HACE1: variants seen among roughly 807,000 people sequenced by gnomAD.
HACE1 encodes HECT domain and ankyrin repeat containing E3 ubiquitin protein ligase 1, also known as E3 ubiquitin-protein ligase HACE1.
HACE1 carries 73 observed loss-of-function variants against 118.4 expected under a neutral mutation model. The observed-to-expected ratio is 0.62, with a 90% CI of 0.51 to 0.75. The LOEUF (loss-of-function observed/expected upper bound fraction) is 0.75, where lower values mean the gene tolerates loss of function less well. HACE1 is among the 30% of genes least tolerant of loss of function. HACE1 has a pLI of 0.00. For synonymous variants in HACE1, 368 were observed against 374.8 expected (o/e 0.98, Z 0.21); for missense variants, 749 against 1,102.2 (o/e 0.68, Z 4.54).
chr6:104,791,724 A>AT, intron 10 of HACE1, 70 bp from the exon 11 acceptor site: 1 of 1,006,520 alleles, frequency 9.9e-7, no homozygotes, highest in Non-Finnish European at 1.5e-6. Context: ...ATTTTAAAAC[A>AT]TTTTCATCCC....
At chr6:104,790,531 C>T (rs1488862421) in intron 11 of HACE1, among the ~76,000 whole-genome samples, 1 of 152,164 alleles carries the variant, frequency 6.6e-6, no homozygotes, top group East Asian at 1.9e-4. Flanking sequence ...GGCAGACAGA[C>T]TGCTTGAGCC....
At chr6:104,766,210 C>T (rs1780001765) in intron 19 of HACE1, among the ~76,000 whole-genome samples, 1 of 152,150 alleles carries the variant, frequency 6.6e-6, no homozygotes, top group African/African-American at 2.4e-5. Context: ...TCATTTATTA[C>T]CCTTGTGGGC....
chr6:104,755,239 A>AAT (rs1480966765), intron 19 of HACE1, among the ~76,000 whole-genome samples: 2 of 152,198 alleles, frequency 1.3e-5, no homozygotes, highest in African/African-American at 2.4e-5. Flanking sequence ...TGCTATCATA[A>AAT]ATATATATAC....
chr6:104,787,016 G>C (rs957822658), intron 11 of HACE1: 1 of 152,096 alleles, frequency 6.6e-6, no homozygotes, highest in African/African-American at 2.4e-5. Context: ...GCCACTTTCA[G>C]CCTTTCTTCA....
rs956668053 is a variant in HACE1, at chr6:104,728,905, G to C, written c.*757C>G. On this transcript the variant is annotated 3_prime_UTR_variant, in exon 24 of 24. Transcript: ENST00000262903. ...GATGTGTCAGAGCTCACAGATAAAA[G>C]TAATGAAAAGAAACGTGGTAAAATA... The C allele has an allele frequency of 6.6e-6, 1 of 152,438 alleles. No individual in the cohort carries two copies. Among genetic ancestry groups the C allele is most frequent in the African/African-American group, 2.4e-5 (1 of 41,398 alleles). The allele number at this position is 152,438 out of a possible 1,614,324, so 9.4% of individuals were successfully genotyped here.
chr6:104,828,717 T>A (rs1773569314), intron 6 of HACE1, among the ~76,000 whole-genome samples: 1 of 152,044 alleles, frequency 6.6e-6, no homozygotes, highest in South Asian at 2.1e-4. Flanking sequence ...TTATCATGTT[T>A]ACCTCTAATG....
chr6:104,739,465 G>C (rs1036020659), intron 22 of HACE1, among the ~76,000 whole-genome samples: 1 of 152,050 alleles, frequency 6.6e-6, no homozygotes, highest in African/African-American at 2.4e-5. Context: ...TAAAAGGATG[G>C]AGGATGATCT....
chr6:104,781,653 A>C (rs1781757381), intron 14 of HACE1, among the ~76,000 whole-genome samples: 1 of 152,102 alleles, frequency 6.6e-6, no homozygotes, highest in South Asian at 2.1e-4. Flanking sequence ...GTATGTAACC[A>C]ATCTCCAATC....
chr6:104,800,850 T>G (rs972312554), intron 7 of HACE1, among the ~76,000 whole-genome samples: 1 of 152,036 alleles, frequency 6.6e-6, no homozygotes, highest in Non-Finnish European at 1.5e-5. Context: ...TGGAACAAAG[T>G]TGGATGGAGA....
chr6:104,753,961 A>T (rs1158725947), intron 19 of HACE1, among the ~76,000 whole-genome samples: 2 of 152,192 alleles, frequency 1.3e-5, no homozygotes, highest in Non-Finnish European at 2.9e-5. Flanking sequence ...AACTTCACTG[A>T]GATAAAGGAG....
intron 6 of HACE1, among the ~76,000 whole-genome samples, chr6:104,812,594 C>G (rs1185940954): frequency 2.6e-5 from 4 of 151,866 alleles, no homozygotes; most frequent in Non-Finnish European, 5.9e-5. Flanking sequence ...AAGAAAACAA[C>G]AGCATACTGG....
At chr6:104,734,142 CAAAAA>C (rs11370746) in intron 22 of HACE1, among the ~76,000 whole-genome samples, 2 of 87,154 alleles carry the variant, frequency 2.3e-5, no homozygotes, top group Admixed American at 2.7e-4. Context: ...GACTCTTCCT[CAAAAA>C]AAAAAAAAAA....
chr6:104,829,056 T>A (rs1773605617), intron 6 of HACE1, among the ~76,000 whole-genome samples: 1 of 152,008 alleles, frequency 6.6e-6, no homozygotes, highest in Admixed American at 6.6e-5. Context: ...CCATTTAAAG[T>A]TTTCTATTTT....
At chr6:104,772,492 T>A (rs1226137064) in intron 17 of HACE1, among the ~76,000 whole-genome samples, 1 of 152,212 alleles carries the variant, frequency 6.6e-6, no homozygotes, top group East Asian at 1.9e-4. Context: ...TTCATCTGTA[T>A]GTGCCAGTGC....
intron 11 of HACE1, among the ~76,000 whole-genome samples, chr6:104,789,013 G>A (rs1400752412): frequency 6.6e-6 from 1 of 152,084 alleles, no homozygotes; most frequent in African/African-American, 2.4e-5. Context: ...GGGATCAATT[G>A]CTACCTCAGA....
intron 7 of HACE1, among the ~76,000 whole-genome samples, chr6:104,798,068 C>T (rs1310317401): frequency 1.3e-5 from 1 of 76,116 alleles, no homozygotes; most frequent in African/African-American, 9.2e-5. Context: ...AACCCCGTCT[C>T]GAAAAAAAAA....
At chr6:104,806,978 C>T (rs1771070226) in intron 7 of HACE1, among the ~76,000 whole-genome samples, 6 of 150,860 alleles carry the variant, frequency 4.0e-5, no homozygotes, top group Admixed American at 4.0e-4. Context: ...TCTAAAGGTC[C>T]GTTCCTATGC....
At chr6:104,802,754 A>G (rs1361787809) in intron 7 of HACE1, among the ~76,000 whole-genome samples, 1 of 152,252 alleles carries the variant, frequency 6.6e-6, no homozygotes, top group Admixed American at 6.5e-5. Context: ...TGCCCACAAG[A>G]GAAAGCAGAA....
chr6:104,758,057 CA>C (rs1474605610), intron 19 of HACE1, among the ~76,000 whole-genome samples: 1 of 151,872 alleles, frequency 6.6e-6, no homozygotes, highest in Non-Finnish European at 1.5e-5. Flanking sequence ...GTGAAAAGAC[CA>C]AATATACATT....
Sources: allele counts gnomAD v4.1 joint callset (sites outside exome capture counted in the v4.1 genomes callset), GRCh38; gene constraint gnomAD v4.1.1; transcripts MANE v1.5; gene names NCBI Gene and HGNC (gene_info 2026-07-23, HGNC 2026-07-21).